ACOT13: variants seen among roughly 807,000 people sequenced by gnomAD.
ACOT13 encodes acyl-CoA thioesterase 13, also known as acyl-coenzyme A thioesterase 13.
A neutral mutation model predicts 11.8 loss-of-function variants in ACOT13; 10 were observed. That is an observed-to-expected ratio of 0.85 (90% CI 0.53 to 1.44). ACOT13 has a LOEUF of 1.44. Ranked by LOEUF, ACOT13 falls within the 40% of genes most tolerant of loss-of-function variation. The pLI, the probability that ACOT13 is intolerant of heterozygous loss-of-function variation, is 0.00. For missense variants in ACOT13, 172 were observed against 174.1 expected (o/e 0.99, Z 0.07); for synonymous variants, 53 against 61.0 (o/e 0.87, Z 0.61).
intron 1 of ACOT13, among the ~76,000 whole-genome samples, chr6:24,696,073 C>CA (rs1043433086): frequency 2.6e-5 from 4 of 151,898 alleles, no homozygotes; most frequent in South Asian, 2.1e-4. Context: ...AAAAAACAAA[C>CA]AAAAAAACAA....
In ACOT13 at chr6:24,682,700, G is replaced by A. The variant is rs551178062; in HGVS notation, c.82-15183G>A. The stretch of plus-strand genomic sequence containing the variant: ...GGCAGGTCTGCGGTGGCGGGTCTGC[G>A]ATGGCGGCAAACAGCAGTGGTGGAT... On this transcript the variant is annotated intron_variant, in intron 1 of 2. Transcript: ENST00000230048. Among the ~76,000 whole-genome samples the A allele has an allele frequency of 4.6e-5, 7 of 151,954 alleles. No individual in the cohort carries two copies. The East Asian group carries it at 1.2e-3, about 25-fold the overall frequency.
chr6:24,668,770 C>T (rs1284124562), intron 1 of ACOT13, among the ~76,000 whole-genome samples: 1 of 152,206 alleles, frequency 6.6e-6, no homozygotes, highest in Non-Finnish European at 1.5e-5. Context: ...CATAGTTACA[C>T]TCCTATGGGA....
chr6:24,683,946 AT>A (rs1465395652), intron 1 of ACOT13, among the ~76,000 whole-genome samples: 3 of 151,130 alleles, frequency 2.0e-5, no homozygotes, highest in Non-Finnish European at 4.4e-5. Flanking sequence ...AGCCCTTGGT[AT>A]TGTCAGCTTC....
At chr6:24,695,295 C>T (rs1778776225) in intron 1 of ACOT13, among the ~76,000 whole-genome samples, 1 of 151,932 alleles carries the variant, frequency 6.6e-6, no homozygotes, top group Admixed American at 6.6e-5. Flanking sequence ...GGTGACAGAG[C>T]GAGACTCTGT....
At chr6:24,686,656 CTCTT>C (rs931051190) in intron 1 of ACOT13, among the ~76,000 whole-genome samples, 8 of 147,820 alleles carry the variant, frequency 5.4e-5, no homozygotes, top group African/African-American at 1.0e-4. Flanking sequence ...TTTCTTCTCT[CTCTT>C]TCTCTCTCTC....
At chr6:24,697,379 C>T (rs1229536594) in intron 1 of ACOT13, among the ~76,000 whole-genome samples, 1 of 152,050 alleles carries the variant, frequency 6.6e-6, no homozygotes, top group East Asian at 1.9e-4. Flanking sequence ...GTTAACAGAT[C>T]TCAGCTGGGT....
At chr6:24,699,897 A>G (rs556418715) in intron 2 of ACOT13, among the ~76,000 whole-genome samples, 1 of 152,376 alleles carries the variant, frequency 6.6e-6, no homozygotes, top group African/African-American at 2.4e-5. Context: ...TGCCAAAAGC[A>G]TTGGCCATCA....
Position 24,701,439 on chromosome 6 carries a change from T to C in ACOT13, c.267-20T>C. 1 of 1,593,372 alleles carries C rather than the reference T, an allele frequency of 6.3e-7. No individual in the cohort carries two copies. The highest frequency in any genetic ancestry group is 8.6e-7 in the Non-Finnish European group (1 of 1,167,252). ...CTTTGAAAAATTATCTGCTGTTAAC[T>C]ATATTCATTTTCTTTCAAGGTACAT... On this transcript the variant is annotated intron_variant, in intron 2 of 2. Transcript: ENST00000230048.
intron 1 of ACOT13, among the ~76,000 whole-genome samples, chr6:24,690,489 T>C (rs930398083): frequency 3.3e-5 from 5 of 152,320 alleles, no homozygotes; most frequent in Admixed American, 1.3e-4. Context: ...AATGATTCAA[T>C]AAAATCTGCC....
intron 1 of ACOT13, among the ~76,000 whole-genome samples, chr6:24,670,778 A>G (rs572427830): frequency 5.3e-5 from 8 of 152,218 alleles, no homozygotes; most frequent in Non-Finnish European, 1.2e-4. Context: ...GCTCTGAAAA[A>G]CAAAGCAAAA....
chr6:24,668,769 A>T (rs1778307938), intron 1 of ACOT13, among the ~76,000 whole-genome samples: 2 of 152,134 alleles, frequency 1.3e-5, no homozygotes, highest in African/African-American at 4.8e-5. Context: ...ACATAGTTAC[A>T]CTCCTATGGG....
At position 24,687,811 on chromosome 6, in the gene ACOT13, A is replaced by C. The variant is rs1778656824; in HGVS notation, c.82-10072A>C. 5.7e-6 allele frequency: 6 copies of C among 1,052,500 alleles called. No homozygotes were observed. The South Asian group carries it at 1.2e-4, about 21-fold the overall frequency. The allele number at this position is 1,052,500 out of a possible 1,614,324, so 65.2% of individuals were successfully genotyped here. On this transcript the variant is annotated intron_variant, in intron 1 of 2. Transcript: ENST00000230048. Reference sequence around the variant, plus strand: ...ACTGCAACCTCTGCCTCCCAGGTTCAAGTATTTCTCCTGCTTCAGCCTCCA... The same window carrying C: ...ACTGCAACCTCTGCCTCCCAGGTTCCAGTATTTCTCCTGCTTCAGCCTCCA...
intron 1 of ACOT13, among the ~76,000 whole-genome samples, chr6:24,672,080 A>G (rs1778374457): frequency 6.6e-6 from 1 of 152,240 alleles, no homozygotes; most frequent in East Asian, 1.9e-4. Context: ...GACATAATTT[A>G]TAATTTGATT....
intron 1 of ACOT13, among the ~76,000 whole-genome samples, chr6:24,694,284 T>C (rs192270434): frequency 6.6e-6 from 1 of 152,316 alleles, no homozygotes; most frequent in Non-Finnish European, 1.5e-5. Flanking sequence ...CTTGACATCA[T>C]AAAAGCCTCC....
chr6:24,699,920 G>A (rs1020015184), intron 2 of ACOT13, among the ~76,000 whole-genome samples: 1 of 152,144 alleles, frequency 6.6e-6, no homozygotes, highest in South Asian at 2.1e-4. Context: ...AGCTGCCTAC[G>A]CTTCAAAAAC....
intron 1 of ACOT13, among the ~76,000 whole-genome samples, chr6:24,695,803 A>C (rs1582445521): frequency 6.6e-6 from 1 of 152,172 alleles, no homozygotes; most frequent in Non-Finnish European, 1.5e-5. Flanking sequence ...GCGGTGGCTC[A>C]CGACTCTAAT....
chr6:24,688,389 A>G (rs1778668211), intron 1 of ACOT13, among the ~76,000 whole-genome samples: 2 of 151,888 alleles, frequency 1.3e-5, no homozygotes, highest in African/African-American at 4.8e-5. Flanking sequence ...AAAATAAAAA[A>G]ATTAACCAGG....
At chr6:24,693,786 C>T (rs576299050) in intron 1 of ACOT13, among the ~76,000 whole-genome samples, 2 of 149,694 alleles carry the variant, frequency 1.3e-5, no homozygotes, top group Admixed American at 6.7e-5. Flanking sequence ...TGCAGTGGTG[C>T]GAACTCGGCT....
At chr6:24,695,499 T>C (rs1778778938) in intron 1 of ACOT13, among the ~76,000 whole-genome samples, 1 of 152,196 alleles carries the variant, frequency 6.6e-6, no homozygotes, top group Non-Finnish European at 1.5e-5. Flanking sequence ...GAAATATACA[T>C]TTTTAAAAGT....
Sources: gnomAD v4.1 joint callset for allele counts (sites outside exome capture counted in the v4.1 genomes callset) on GRCh38, gnomAD v4.1.1 for gene constraint, MANE v1.5 for transcripts, NCBI Gene and HGNC (gene_info 2026-07-23, HGNC 2026-07-21) for gene names.